The following CBX7 variants were observed in gnomAD, a reference collection of about 807,000 sequenced individuals.
CBX7 encodes the protein chromobox protein homolog 7.
In CBX7, 14 loss-of-function variants were observed where a neutral mutation model predicts 31.4. The ratio of observed to expected loss-of-function variants is 0.45; its 90% CI spans 0.29 to 0.70. CBX7 has a LOEUF of 0.70. CBX7 is among the 30% of genes least tolerant of loss of function. The pLI is 0.11. For synonymous variants in CBX7, 159 were observed against 152.6 expected (o/e 1.04, Z -0.31); for missense variants, 269 against 351.9 (o/e 0.76, Z 1.89).
chr22:39,152,261 G>T lies in CBX7; in HGVS notation c.69+115C>A. The T allele has an allele frequency of 6.4e-6, 3 of 465,124 alleles. No individual in the cohort carries two copies. The highest frequency in any genetic ancestry group is 6.4e-6 in the Non-Finnish European group (2 of 311,374). 28.8% of individuals were successfully genotyped at this position (465,124 alleles called of 1,614,324 possible). ...TGGGGAGACGGGCCCAGCAGCGCAGGGCTGCCGGGGCCCCCGCGCCCCGCT... is the reference window on the plus strand; with the variant it reads ...TGGGGAGACGGGCCCAGCAGCGCAGTGCTGCCGGGGCCCCCGCGCCCCGCT... On this transcript the variant is annotated intron_variant, in intron 1 of 5. Coordinates refer to ENST00000216133, the MANE Select transcript of CBX7 (RefSeq NM_175709.5). The surrounding 1 kb of genome is among the most constrained non-coding windows in gnomAD (Gnocchi z 4.9).
Position 39,131,781 on chromosome 22 carries a change from G to T in CBX7, c.*2110C>A, listed in dbSNP as rs1930050615. ...AAAGTGACCAGGAAGCAGGAAAAAG[G>T]TCCTATGTCCCCTGGGGGATGGGGA... On this transcript the variant is annotated 3_prime_UTR_variant, in exon 6 of 6. Coordinates refer to ENST00000216133, the MANE Select transcript of CBX7 (RefSeq NM_175709.5). 1 of 152,244 alleles carries T rather than the reference G, an allele frequency of 6.6e-6. No individual in the cohort carries two copies. The highest frequency in any genetic ancestry group is 6.5e-5 in the Admixed American group (1 of 15,284). The allele number at this position is 152,244 out of a possible 1,614,324, so 9.4% of individuals were successfully genotyped here.
chr22:39,141,678 G>A (rs1033441860), intron 2 of CBX7, among the ~76,000 whole-genome samples: 1 of 151,920 alleles, frequency 6.6e-6, no homozygotes, highest in Non-Finnish European at 1.5e-5. Context: ...GAACCCAAGA[G>A]GCAGACGTTG....
intron 2 of CBX7, among the ~76,000 whole-genome samples, chr22:39,144,657 G>A (rs1375096764): frequency 6.6e-6 from 1 of 152,166 alleles, no homozygotes; most frequent in East Asian, 1.9e-4. Context: ...CTAACTGGTA[G>A]GAAGGGGAAT....
At chr22:39,139,077 T>C (rs1400779745) in intron 3 of CBX7, among the ~76,000 whole-genome samples, 1 of 152,028 alleles carries the variant, frequency 6.6e-6, no homozygotes, top group East Asian at 1.9e-4. Context: ...AGCCTGTCAA[T>C]CCAATTTACC....
chr22:39,141,062 G>T, intron 3 of CBX7: 1 of 336,024 alleles, frequency 3.0e-6, no homozygotes, highest in Admixed American at 4.8e-5. Context: ...AACCTCTTAC[G>T]GCCCCTCTGA....
chr22:39,141,637 TA>T (rs1790257810), intron 2 of CBX7, among the ~76,000 whole-genome samples: 1 of 151,678 alleles, frequency 6.6e-6, no homozygotes, highest in Non-Finnish European at 1.5e-5. Flanking sequence ...TAATCCCAGC[TA>T]CTCAGGAGGC....
At chr22:39,144,972 T>G (rs969119107) in intron 2 of CBX7, among the ~76,000 whole-genome samples, 1 of 152,058 alleles carries the variant, frequency 6.6e-6, no homozygotes, top group Non-Finnish European at 1.5e-5. Context: ...GGCCGGCCCG[T>G]GTTGGCTCTC....
At chr22:39,148,345 G>A (rs900532043) in intron 2 of CBX7, 2 of 152,242 alleles carry the variant, frequency 1.3e-5, no homozygotes, top group Non-Finnish European at 2.9e-5. Context: ...CATTCATAAC[G>A]GCCTCTGTTT....
chr22:39,148,952 G>A (rs1236783260), intron 2 of CBX7: 1 of 152,570 alleles, frequency 6.6e-6, no homozygotes, highest in Non-Finnish European at 1.5e-5. Flanking sequence ...CTGGGCAGAG[G>A]GGGTTTCCAG....
At chr22:39,147,084 C>T (rs1193782932) in intron 2 of CBX7, 1 of 131,152 alleles carries the variant, frequency 7.6e-6, no homozygotes, top group Non-Finnish European at 1.6e-5. Flanking sequence ...ACAAAGTGTC[C>T]ACTTTTTTTT....
chr22:39,136,346 G>GCGC (rs1427431183), intron 4 of CBX7: 4 of 152,270 alleles, frequency 2.6e-5, no homozygotes, highest in African/African-American at 9.7e-5. Context: ...TCACACCTAT[G>GCGC]CGCCGTCCAT....
At position 39,141,387 on chromosome 22, in the gene CBX7, T is replaced by A; in HGVS notation, c.163A>T (p.Met55Leu). The A allele has an allele frequency of 6.2e-7, 1 of 1,612,312 alleles. No homozygotes were observed. The highest frequency in any genetic ancestry group is 1.3e-5 in the African/African-American group (1 of 75,002). The change falls in exon 3 of 6, where the codon ATG (methionine) becomes TTG (leucine). Residue 55 changes from methionine to leucine, a missense_variant. Coordinates refer to ENST00000216133, the MANE Select transcript of CBX7 (RefSeq NM_175709.5). ...ACACCGTACTTCTCCTCGTAGGCCA[T>A]GACGAGGCGGGGGTCCAAGATGTGC... ...EEHILDPRLV[M>L]AYEEKEERDR...
At position 39,133,852 on chromosome 22, in the gene CBX7, C is replaced by A; in HGVS notation, c.*39G>T. ...CTATCTCTGGAAGTCCCACCCCAAGCCCAAAAGAAAACAGTTTAAGAAGAG... is the reference window on the plus strand; with the variant it reads ...CTATCTCTGGAAGTCCCACCCCAAGACCAAAAGAAAACAGTTTAAGAAGAG... On this transcript the variant is annotated 3_prime_UTR_variant, in exon 6 of 6. Transcript: ENST00000216133. The A allele has an allele frequency of 6.5e-7, 1 of 1,537,650 alleles. No individual in the cohort carries two copies. The highest frequency in any genetic ancestry group is 8.8e-7 in the Non-Finnish European group (1 of 1,134,996).
At chr22:39,138,744 T>G in intron 3 of CBX7, 42 bp from the exon 4 acceptor site, 1 of 1,586,756 alleles carries the variant, frequency 6.3e-7, no homozygotes, top group East Asian at 2.2e-5. Context: ...GAAACACTGG[T>G]GACATCTAAG....
intron 2 of CBX7, among the ~76,000 whole-genome samples, chr22:39,142,945 A>T (rs964234398): frequency 1.4e-5 from 2 of 143,870 alleles, no homozygotes; most frequent in Admixed American, 1.3e-4. Context: ...CAAAGCTTTA[A>T]GGCCAGTGTC....
At position 39,152,037 on chromosome 22, in the gene CBX7, G is replaced by A. The variant is rs574022150; in HGVS notation, c.69+339C>T. Among the ~76,000 whole-genome samples the A allele has an allele frequency of 3.3e-5, 5 of 152,224 alleles. No homozygotes were observed. The East Asian group carries it at 9.7e-4, about 29-fold the overall frequency. The stretch of plus-strand genomic sequence containing the variant: ...TTCAAAACCCAGCTCTGACCATAAC[G>A]CGCTAGGCAAGTCCTTTCAACTTGG... On this transcript the variant is annotated intron_variant, in intron 1 of 5. Coordinates refer to ENST00000216133, the MANE Select transcript of CBX7 (RefSeq NM_175709.5). The surrounding 1 kb of genome is among the most constrained non-coding windows in gnomAD (Gnocchi z 4.9).
intron 2 of CBX7, 102 bp from the exon 3 acceptor site, chr22:39,141,538 C>G: frequency 2.2e-6 from 2 of 922,460 alleles, no homozygotes; most frequent in Non-Finnish European, 3.3e-6. Context: ...CACCTGAGGT[C>G]AGGAGTTCAA....
intron 3 of CBX7, chr22:39,141,127 G>A: frequency 4.1e-6 from 2 of 487,458 alleles, no homozygotes; most frequent in East Asian, 4.0e-5. Flanking sequence ...TGACAGCAGA[G>A]AGACTGAGGC....
chr22:39,142,799 C>T (rs1426004565), intron 2 of CBX7, among the ~76,000 whole-genome samples: 10 of 151,996 alleles, frequency 6.6e-5, no homozygotes, highest in Admixed American at 5.9e-4. Context: ...CTGTCCGTGA[C>T]GGCCTGCGCA....
Sources: allele counts gnomAD v4.1 joint callset (sites outside exome capture counted in the v4.1 genomes callset), GRCh38; gene constraint gnomAD v4.1.1; non-coding constraint Gnocchi (gnomAD v3.1); transcripts MANE v1.5; gene names NCBI Gene and HGNC (gene_info 2026-07-23, HGNC 2026-07-21).